The following NXPH1 variants were observed in gnomAD, a reference collection of about 807,000 sequenced individuals.
NXPH1 encodes the protein neurexophilin 1.
A neutral mutation model predicts 23.7 loss-of-function variants in NXPH1; 5 were observed. The observed-to-expected ratio is 0.21, with a 90% CI of 0.11 to 0.44. NXPH1 has a LOEUF of 0.44. NXPH1 is among the 20% of genes least tolerant of loss of function. The probability of loss-of-function intolerance (pLI) is 0.99; values close to 1 mark genes in which losing one functional copy is unlikely to be tolerated. For missense variants in NXPH1, 324 were observed against 321.6 expected (o/e 1.01, Z -0.06); for synonymous variants, 144 against 122.2 (o/e 1.18, Z -1.18).
intron 2 of NXPH1, among the ~76,000 whole-genome samples, chr7:8,640,664 T>A (rs1450806792): frequency 6.6e-6 from 1 of 152,190 alleles, no homozygotes; most frequent in East Asian, 1.9e-4. Flanking sequence ...TGAAGTTCTA[T>A]CAGAAATCCT....
chr7:8,473,931 C>G (rs1404064929), intron 2 of NXPH1, among the ~76,000 whole-genome samples: 1 of 152,104 alleles, frequency 6.6e-6, no homozygotes, highest in African/African-American at 2.4e-5. Flanking sequence ...ACTTGAACTG[C>G]TGCAGGTATC....
At chr7:8,479,292 T>TA (rs1406224860) in intron 2 of NXPH1, among the ~76,000 whole-genome samples, 2 of 152,150 alleles carry the variant, frequency 1.3e-5, no homozygotes, top group Non-Finnish European at 2.9e-5. Flanking sequence ...GTGGTAGTAT[T>TA]GTATTGTTAT....
chr7:8,469,284 T>C (rs1816832465), intron 2 of NXPH1, among the ~76,000 whole-genome samples: 1 of 152,038 alleles, frequency 6.6e-6, no homozygotes, highest in South Asian at 2.1e-4. Flanking sequence ...ACTTTGAAAA[T>C]GACTTCTATA....
At chr7:8,647,079 C>G (rs2349501) in intron 2 of NXPH1, among the ~76,000 whole-genome samples, 1 of 152,044 alleles carries the variant, frequency 6.6e-6, no homozygotes, top group African/African-American at 2.4e-5. Context: ...CGGACAGACA[C>G]GGATACAGAC....
At chr7:8,693,683 A>G (rs1358506141) in intron 2 of NXPH1, among the ~76,000 whole-genome samples, 2 of 152,056 alleles carry the variant, frequency 1.3e-5, no homozygotes, top group African/African-American at 4.8e-5. Context: ...TTCCTTTGTT[A>G]TTTTCTTTTC....
intron 2 of NXPH1, among the ~76,000 whole-genome samples, chr7:8,556,343 G>A (rs993955113): frequency 6.6e-6 from 1 of 151,734 alleles, no homozygotes; most frequent in Non-Finnish European, 1.5e-5. Flanking sequence ...TGTGTGTGAT[G>A]TTAGCTGGAT....
intron 2 of NXPH1, among the ~76,000 whole-genome samples, chr7:8,439,310 T>A (rs1050063900): frequency 6.6e-6 from 1 of 152,140 alleles, no homozygotes; most frequent in African/African-American, 2.4e-5. Flanking sequence ...TCAGCCTCAT[T>A]GGATCAAGTA....
rs956118508 is a variant in NXPH1, at chr7:8,710,887, C to T, written c.55-40121C>T. Reference sequence around the variant, plus strand: ...CCGTGTTAGCCAGGATGGTCTCGATCTCCTGACCTCATGATCCACCCGCCT... The same window carrying T: ...CCGTGTTAGCCAGGATGGTCTCGATTTCCTGACCTCATGATCCACCCGCCT... On this transcript the variant is annotated intron_variant, in intron 2 of 2. Transcript: ENST00000405863. Among the ~76,000 whole-genome samples, 34 of 115,184 alleles carry T rather than the reference C, an allele frequency of 3.0e-4. 2 individuals are homozygous for T. In the South Asian group the frequency reaches 3.8e-3, roughly 13 times the overall value. 75.6% of individuals were successfully genotyped at this position (115,184 alleles called of 152,430 possible). A position where few individuals can be genotyped will look rare whatever the true frequency, so the allele number is the denominator to read the frequency against.
intron 2 of NXPH1, among the ~76,000 whole-genome samples, chr7:8,596,855 A>C (rs892754882): frequency 1.3e-5 from 2 of 152,140 alleles, no homozygotes; most frequent in Non-Finnish European, 2.9e-5. Flanking sequence ...TCACCTTCTA[A>C]TAAAGGCGAA....
At chr7:8,533,022 T>C (rs1169359960) in intron 2 of NXPH1, among the ~76,000 whole-genome samples, 3 of 152,180 alleles carry the variant, frequency 2.0e-5, no homozygotes, top group African/African-American at 4.8e-5. Context: ...GTGCTTTACA[T>C]GTATTCCCTC....
chr7:8,658,172 A>G (rs1820611745), intron 2 of NXPH1, among the ~76,000 whole-genome samples: 1 of 152,242 alleles, frequency 6.6e-6, no homozygotes, highest in Non-Finnish European at 1.5e-5. Flanking sequence ...CAGTATTTCT[A>G]TGTCCATGTA....
chr7:8,508,320 T>G (rs775536425), intron 2 of NXPH1, among the ~76,000 whole-genome samples: 2 of 152,164 alleles, frequency 1.3e-5, no homozygotes, highest in African/African-American at 2.4e-5. Flanking sequence ...AATCAGTAGT[T>G]GGCTATGTTG....
At chr7:8,675,193 C>T (rs187529014) in intron 2 of NXPH1, among the ~76,000 whole-genome samples, 1 of 152,106 alleles carries the variant, frequency 6.6e-6, no homozygotes, top group African/African-American at 2.4e-5. Context: ...TATTTACCTT[C>T]CTAGGCTTTA....
intron 2 of NXPH1, among the ~76,000 whole-genome samples, chr7:8,473,239 G>T (rs112516239): frequency 6.6e-6 from 1 of 152,078 alleles, no homozygotes; most frequent in East Asian, 1.9e-4. Context: ...TTTATTGAGC[G>T]GCTGTTCCCA....
chr7:8,469,534 C>A (rs147097311), intron 2 of NXPH1, among the ~76,000 whole-genome samples: 1 of 152,036 alleles, frequency 6.6e-6, no homozygotes, highest in Non-Finnish European at 1.5e-5. Flanking sequence ...CTCCTCTCAT[C>A]CTTTCATGAA....
chr7:8,441,685 C>T (rs749362632), intron 2 of NXPH1, among the ~76,000 whole-genome samples: 1 of 152,204 alleles, frequency 6.6e-6, no homozygotes, highest in African/African-American at 2.4e-5. Flanking sequence ...ACTATGCAAG[C>T]TTTCCAAGAG....
chr7:8,684,395 T>A (rs1378643598), intron 2 of NXPH1, among the ~76,000 whole-genome samples: 1 of 152,198 alleles, frequency 6.6e-6, no homozygotes, highest in African/African-American at 2.4e-5. Context: ...GGTTCACTGT[T>A]CCTACTTTGT....
In NXPH1 at chr7:8,483,965, C is replaced by CTTTTTTTTTTTTTTTTT. The variant is rs60436502; in HGVS notation, c.54+48199_54+48215dup. On this transcript the variant is annotated intron_variant, in intron 2 of 2. Coordinates refer to ENST00000405863, the MANE Select transcript of NXPH1 (RefSeq NM_152745.3). ...CTAGAATAAATAACACTCCCCCCAC[C>CTTTTTTTTTTTTTTTTT]TTTTTTTTTTTTTTTTTAAGAAGTA... Among the ~76,000 whole-genome samples the CTTTTTTTTTTTTTTTTT allele has an allele frequency of 8.5e-3, 1,129 of 132,076 alleles. 55 individuals are homozygous for CTTTTTTTTTTTTTTTTT. Among genetic ancestry groups the CTTTTTTTTTTTTTTTTT allele is most frequent in the African/African-American group, 0.034 (1,076 of 31,832 alleles). 86.6% of individuals were successfully genotyped at this position (132,076 alleles called of 152,430 possible).
chr7:8,749,509 C>T (rs533621518), intron 2 of NXPH1, among the ~76,000 whole-genome samples: 1 of 152,264 alleles, frequency 6.6e-6, no homozygotes, highest in South Asian at 2.1e-4. Flanking sequence ...TCCCACACAG[C>T]TAAGTCTAGG....
Sources: allele counts gnomAD v4.1 joint callset (sites outside exome capture counted in the v4.1 genomes callset), GRCh38; gene constraint gnomAD v4.1.1; transcripts MANE v1.5; gene names NCBI Gene and HGNC (gene_info 2026-07-23, HGNC 2026-07-21).